CCDC171: variants seen among roughly 807,000 people sequenced by gnomAD.
The protein encoded by CCDC171 is coiled-coil domain-containing protein 171.
A neutral mutation model predicts 168.2 loss-of-function variants in CCDC171; 177 were observed. That is an observed-to-expected ratio of 1.05 (90% CI 0.93 to 1.19). The LOEUF is 1.19. CCDC171 is among the 50% of genes most tolerant of loss of function. CCDC171 has a pLI of 0.00. For synonymous variants in CCDC171, 687 were observed against 540.8 expected (o/e 1.27, Z -3.75); for missense variants, 1,991 against 1,539.0 (o/e 1.29, Z -4.91).
rs762962441 is a variant in CCDC171 at position 15,724,983 on chromosome 9, C to T, written c.1692+7C>T. The T allele has an allele frequency of 2.5e-6, 4 of 1,607,498 alleles. No individual in the cohort carries two copies. Among genetic ancestry groups the T allele is most frequent in the East Asian group, 2.2e-5 (1 of 44,822 alleles). ...TTTCCATAAGGATGCAGAGGTATTA[C>T]CTGAGACTCAATGACTGTCAGGAAG... On this transcript the variant is annotated splice_region_variant and intron_variant, in intron 14 of 25. Transcript: ENST00000380701.
At chr9:15,996,508 G>A (rs930715469) in intron 3 of CCDC171, among the ~76,000 whole-genome samples, 2 of 147,014 alleles carry the variant, frequency 1.4e-5, no homozygotes, top group Admixed American at 1.4e-4. Context: ...CCCATCACAT[G>A]AGGTCGGGTG....
the CCDC171 span, among the ~76,000 whole-genome samples, chr9:16,067,954 C>T: frequency 6.6e-6 from 1 of 151,798 alleles, no homozygotes. Context: ...AAGTTCTGTC[C>T]AGGGCAATTA....
At chr9:15,762,248 C>CA (rs965504637) in intron 18 of CCDC171, among the ~76,000 whole-genome samples, 6 of 138,646 alleles carry the variant, frequency 4.3e-5, no homozygotes, top group South Asian at 4.7e-4. Context: ...TGTAAAAGAA[C>CA]AAAAAAAATC....
intron 24 of CCDC171, among the ~76,000 whole-genome samples, chr9:15,910,295 C>T (rs1354478461): frequency 6.6e-6 from 1 of 152,034 alleles, no homozygotes; most frequent in Non-Finnish European, 1.5e-5. Context: ...CATATGAATG[C>T]ATCTGTTTTT....
chr9:15,619,466 C>T (rs1248725274), intron 6 of CCDC171, among the ~76,000 whole-genome samples: 1 of 152,128 alleles, frequency 6.6e-6, no homozygotes, highest in East Asian at 1.9e-4. Context: ...CACAGCATTC[C>T]CTTAAGTCAA....
At chr9:16,031,305 T>A (rs1206607893) in intron 6 of CCDC171, among the ~76,000 whole-genome samples, 1 of 152,226 alleles carries the variant, frequency 6.6e-6, no homozygotes, top group Non-Finnish European at 1.5e-5. Flanking sequence ...AAGTTACTAA[T>A]CTCATTTTAA....
downstream of CCDC171, among the ~76,000 whole-genome samples, chr9:15,978,830 A>G (rs115620676): frequency 1.3e-5 from 2 of 152,170 alleles, no homozygotes; most frequent in Admixed American, 6.5e-5. Context: ...AATTTTCACC[A>G]TCTAATTCCA....
At chr9:15,981,511 T>C (rs1364636900) in intron 3 of CCDC171, among the ~76,000 whole-genome samples, 1 of 152,202 alleles carries the variant, frequency 6.6e-6, no homozygotes, top group African/African-American at 2.4e-5. Flanking sequence ...CCAGTGAAAG[T>C]GTCTAATTAA....
chr9:15,586,239 A>C (rs904788209), intron 4 of CCDC171, among the ~76,000 whole-genome samples: 3 of 152,216 alleles, frequency 2.0e-5, no homozygotes, highest in African/African-American at 7.2e-5. Context: ...GCAAAATGTT[A>C]ACAATCCTAG....
Position 15,619,063 on chromosome 9 carries a change from A to G in CCDC171, c.676-4204A>G, listed in dbSNP as rs147397790. On this transcript the variant is annotated intron_variant, in intron 6 of 25. Transcript: ENST00000380701. ...CATAAGGTGATGTACTTAATTTATA[A>G]ATATATGTGTTCTCACTACTCCTCT... Among the ~76,000 whole-genome samples, 1,331 of 151,924 alleles carry G rather than the reference A, an allele frequency of 8.8e-3. 10 individuals carry two copies. Among genetic ancestry groups the G allele is most frequent in the Non-Finnish European group, 0.014 (980 of 67,962 alleles).
chr9:15,625,827 A>C (rs2045038826), intron 7 of CCDC171, among the ~76,000 whole-genome samples: 1 of 152,186 alleles, frequency 6.6e-6, no homozygotes, highest in South Asian at 2.1e-4. Context: ...TATGAAATTT[A>C]AAGTAGTTTT....
chr9:15,749,000 C>T (rs2055508159), intron 18 of CCDC171, among the ~76,000 whole-genome samples: 2 of 152,070 alleles, frequency 1.3e-5, no homozygotes, highest in Admixed American at 6.5e-5. Context: ...CTAAAGGCTC[C>T]AGTTGAAAGA....
rs963192525 is a variant in CCDC171 at position 15,989,018 on chromosome 9, C to T, written n.369-31571C>T. 2.9e-4 allele frequency among the ~76,000 whole-genome samples: 44 copies of T among 152,286 alleles called. 1 individual carries two copies. The highest frequency in any genetic ancestry group is 7.8e-4 in the Admixed American group (12 of 15,302). ...CCTCTGGGGGCAGGGCATAGATGAA[C>T]AAAAGGCAGCAGAAACCTCTGCAGA... is the stretch of plus-strand genomic sequence containing the variant. On this transcript the variant is annotated intron_variant and non_coding_transcript_variant, in intron 3 of 9. Coordinates refer to the CCDC171 transcript ENST00000486641.
chr9:15,936,759 G>A lies in CCDC171; in HGVS notation c.3753+16337G>A, dbSNP rs566801359. 5.3e-5 allele frequency among the ~76,000 whole-genome samples: 8 copies of A among 152,082 alleles called. No homozygotes were observed. The South Asian group carries it at 1.7e-3, about 32-fold the overall frequency. ...CCCGTCAAAATGTGCTTCTGATTAG[G>A]TGGCTTAATTACAGCTGTGAAAACA... is the stretch of plus-strand genomic sequence containing the variant. On this transcript the variant is annotated intron_variant, in intron 25 of 25. Transcript: ENST00000380701.
At chr9:15,601,363 C>G (rs1389590710) in intron 6 of CCDC171, among the ~76,000 whole-genome samples, 2 of 152,108 alleles carry the variant, frequency 1.3e-5, no homozygotes, top group African/African-American at 2.4e-5. Flanking sequence ...ATTGAAAATA[C>G]CAATGAAACC....
At chr9:15,703,125 C>T (rs984860693) in intron 11 of CCDC171, among the ~76,000 whole-genome samples, 3 of 152,102 alleles carry the variant, frequency 2.0e-5, no homozygotes, top group Non-Finnish European at 4.4e-5. Flanking sequence ...AGGCTGGTCT[C>T]GAACTCCTGA....
intron 21 of CCDC171, among the ~76,000 whole-genome samples, chr9:15,836,594 G>T (rs972002890): frequency 2.8e-4 from 43 of 152,182 alleles, no homozygotes; most frequent in African/African-American, 9.4e-4. Flanking sequence ...CTCGTGATCC[G>T]CCTGCCTCGG....
At chr9:15,634,853 G>C (rs1389430513) in intron 7 of CCDC171, among the ~76,000 whole-genome samples, 1 of 152,022 alleles carries the variant, frequency 6.6e-6, no homozygotes, top group Non-Finnish European at 1.5e-5. Flanking sequence ...TGTCTTTATA[G>C]ATTTGCCTAT....
At chr9:15,669,735 G>A (rs1295752284) in intron 9 of CCDC171, among the ~76,000 whole-genome samples, 1 of 152,046 alleles carries the variant, frequency 6.6e-6, no homozygotes, top group Non-Finnish European at 1.5e-5. Flanking sequence ...AACATCATTA[G>A]TCAAATATAT....
Sources: allele counts gnomAD v4.1 joint callset (sites outside exome capture counted in the v4.1 genomes callset), GRCh38; gene constraint gnomAD v4.1.1; transcripts MANE v1.5; gene names NCBI Gene and HGNC (gene_info 2026-07-23, HGNC 2026-07-21).